Variants in NRG3 observed in about 807,000 individuals in gnomAD.
The protein encoded by NRG3 is pro-neuregulin-3, membrane-bound isoform.
In NRG3, 31 loss-of-function variants were observed where a neutral mutation model predicts 66.9. The observed-to-expected ratio is 0.46, with a 90% CI of 0.35 to 0.63. The LOEUF is 0.63. Among genes scored for constraint, NRG3 ranks in the 20% least tolerant of loss-of-function variants. The pLI, the probability that NRG3 is intolerant of heterozygous loss-of-function variation, is 0.00. For missense variants in NRG3, 910 were observed against 878.9 expected (o/e 1.04, Z -0.45); for synonymous variants, 393 against 359.4 (o/e 1.09, Z -1.06).
intron 4 of NRG3, among the ~76,000 whole-genome samples, chr10:82,898,274 A>C (rs1356333966): frequency 6.6e-6 from 1 of 152,096 alleles, no homozygotes. Flanking sequence ...TTAACTCCCA[A>C]ACCCCCTCAC....
intron 1 of NRG3, among the ~76,000 whole-genome samples, chr10:82,131,060 G>A (rs2068785384): frequency 6.6e-6 from 1 of 151,972 alleles, no homozygotes; most frequent in South Asian, 2.1e-4. Flanking sequence ...GATCTTCTTT[G>A]TCTATTTTTG....
intron 4 of NRG3, among the ~76,000 whole-genome samples, chr10:82,896,020 T>C (rs1843632989): frequency 6.6e-6 from 1 of 152,214 alleles, no homozygotes; most frequent in South Asian, 2.1e-4. Flanking sequence ...TCTATGAGTA[T>C]TATCTTTCCA....
chr10:82,515,976 T>G (rs903361582), intron 2 of NRG3, among the ~76,000 whole-genome samples: 1 of 152,144 alleles, frequency 6.6e-6, no homozygotes, highest in African/African-American at 2.4e-5. Context: ...TCCAAGACAG[T>G]TTGTACCAGG....
intron 1 of NRG3, among the ~76,000 whole-genome samples, chr10:82,116,108 C>T (rs775342731): frequency 2.0e-5 from 3 of 152,112 alleles, no homozygotes; most frequent in Non-Finnish European, 4.4e-5. Context: ...ATTTTAACCT[C>T]AACAAAGTGG....
intron 1 of NRG3, among the ~76,000 whole-genome samples, chr10:82,245,319 G>A (rs2077187833): frequency 6.6e-6 from 1 of 152,148 alleles, no homozygotes; most frequent in African/African-American, 2.4e-5. Context: ...CGGAGCTCAG[G>A]TGGTAATGCA....
chr10:82,907,988 C>T (rs896982918), intron 4 of NRG3, among the ~76,000 whole-genome samples: 2 of 152,206 alleles, frequency 1.3e-5, no homozygotes, highest in Non-Finnish European at 2.9e-5. Flanking sequence ...ATCATTCCTC[C>T]TTGAGCCTGA....
At chr10:81,989,839 A>C (rs75972473) in intron 1 of NRG3, among the ~76,000 whole-genome samples, 2,196 of 152,206 alleles carry the variant, frequency 0.014, 51 homozygotes, top group African/African-American at 0.05. Context: ...ATGTGTCTGC[A>C]GAAGCTGGAC....
chr10:82,112,408 C>T (rs1039635331), intron 1 of NRG3, among the ~76,000 whole-genome samples: 9 of 151,954 alleles, frequency 5.9e-5, no homozygotes, highest in East Asian at 1.9e-4. Flanking sequence ...GATGAGGGAA[C>T]AGGCCTCATA....
chr10:82,801,228 A>C (rs76554989), intron 3 of NRG3, among the ~76,000 whole-genome samples: 3 of 152,180 alleles, frequency 2.0e-5, no homozygotes, highest in Non-Finnish European at 4.4e-5. Context: ...TATCCATATC[A>C]GTCCAACCAC....
chr10:82,250,206 C>T (rs1009084498), intron 1 of NRG3, among the ~76,000 whole-genome samples: 1 of 151,954 alleles, frequency 6.6e-6, no homozygotes, highest in Non-Finnish European at 1.5e-5. Flanking sequence ...CTAAAATATG[C>T]CACAAAAATT....
At chr10:82,249,349 G>C (rs1033380128) in intron 1 of NRG3, among the ~76,000 whole-genome samples, 8 of 151,960 alleles carry the variant, frequency 5.3e-5, no homozygotes, top group South Asian at 2.1e-4. Flanking sequence ...TTTTTGCTGT[G>C]CTTGCTAAGC....
At position 82,686,320 on chromosome 10, in the gene NRG3, TG is replaced by T. The variant is rs375616996; in HGVS notation, c.954-52255del. On this transcript the variant is annotated intron_variant, in intron 2 of 8. Transcript: ENST00000372141. ...CTCCTGCCTCAACCTCCCGAGTAGC[TG>T]GAATTATAGGCGCCCACCGCTACGC... Among the ~76,000 whole-genome samples, 932 of 152,138 alleles carry T rather than the reference TG, an allele frequency of 6.1e-3. 10 individuals carry two copies. Among genetic ancestry groups the T allele is most frequent in the African/African-American group, 0.018 (728 of 41,480 alleles).
At chr10:81,978,077 A>G (rs778486920) in intron 1 of NRG3, among the ~76,000 whole-genome samples, 4 of 152,198 alleles carry the variant, frequency 2.6e-5, no homozygotes, top group Non-Finnish European at 5.9e-5. Flanking sequence ...ATATATTATC[A>G]TTAAGTACAG....
At chr10:82,566,130 T>G (rs901427359) in intron 2 of NRG3, among the ~76,000 whole-genome samples, 1 of 152,078 alleles carries the variant, frequency 6.6e-6, no homozygotes, top group Non-Finnish European at 1.5e-5. Context: ...TAATAAGCCC[T>G]CCGTGAATGT....
intron 3 of NRG3, among the ~76,000 whole-genome samples, chr10:82,791,651 A>G (rs1037636638): frequency 6.6e-6 from 1 of 152,116 alleles, no homozygotes; most frequent in Non-Finnish European, 1.5e-5. Flanking sequence ...AACATTGTGA[A>G]TCCCTGGGAA....
chr10:82,533,221 A>C (rs1039770269), intron 2 of NRG3, among the ~76,000 whole-genome samples: 1 of 151,972 alleles, frequency 6.6e-6, no homozygotes, highest in Non-Finnish European at 1.5e-5. Context: ...ATGGTTTGCA[A>C]ATAATTTTCT....
chr10:82,614,343 C>T (rs75033571), intron 2 of NRG3, among the ~76,000 whole-genome samples: 282 of 152,210 alleles, frequency 1.9e-3, no homozygotes, highest in African/African-American at 5.2e-3. Flanking sequence ...ATGCTCTGTT[C>T]GAATTATGTT....
At chr10:82,918,923 G>C (rs182223822) in intron 4 of NRG3, among the ~76,000 whole-genome samples, 12 of 152,226 alleles carry the variant, frequency 7.9e-5, no homozygotes, top group African/African-American at 2.2e-4. Context: ...CAAATGAACT[G>C]GGTGTCCTGT....
At chr10:82,149,848 A>G (rs1271723558) in intron 1 of NRG3, among the ~76,000 whole-genome samples, 2 of 151,850 alleles carry the variant, frequency 1.3e-5, no homozygotes, top group African/African-American at 4.8e-5. Context: ...CCCAGTTCTG[A>G]CTCACTCATT....
Sources: allele counts gnomAD v4.1 joint callset (sites outside exome capture counted in the v4.1 genomes callset), GRCh38; gene constraint gnomAD v4.1.1; transcripts MANE v1.5; gene names NCBI Gene and HGNC (gene_info 2026-07-23, HGNC 2026-07-21).